The following SCN10A variants were observed in gnomAD, a reference collection of about 807,000 sequenced individuals.
SCN10A encodes sodium voltage-gated channel alpha subunit 10.
Under a neutral mutation model 170.7 loss-of-function variants are expected in SCN10A, and 162 were observed. The ratio of observed to expected loss-of-function variants is 0.95; its 90% CI spans 0.84 to 1.08. SCN10A has a LOEUF of 1.08. Among genes scored for constraint, SCN10A ranks in the 50% least tolerant of loss-of-function variants. The pLI is 0.00. For missense variants in SCN10A, 2,527 were observed against 2,436.9 expected (o/e 1.04, Z -0.78); for synonymous variants, 985 against 904.6 (o/e 1.09, Z -1.59).
intron 1 of SCN10A, among the ~76,000 whole-genome samples, chr3:38,812,418 T>C (rs1483152912): frequency 2.0e-5 from 3 of 152,170 alleles, no homozygotes; most frequent in Non-Finnish European, 4.4e-5. Flanking sequence ...TAACACATCA[T>C]TCTTGGGGAG....
chr3:38,744,319 T>G (rs896850207), intron 13 of SCN10A, among the ~76,000 whole-genome samples: 1 of 151,990 alleles, frequency 6.6e-6, no homozygotes, highest in East Asian at 1.9e-4. Context: ...GTGTTTAGGG[T>G]TTTTTTTACT....
At chr3:38,701,557 C>T (rs935261969) in intron 27 of SCN10A, among the ~76,000 whole-genome samples, 1 of 152,282 alleles carries the variant, frequency 6.6e-6, no homozygotes, top group Non-Finnish European at 1.5e-5. Context: ...GTGATTATTC[C>T]CTGTCAGCCC....
At chr3:38,798,148 G>C (rs997512646) in intron 1 of SCN10A, among the ~76,000 whole-genome samples, 2 of 152,182 alleles carry the variant, frequency 1.3e-5, no homozygotes, top group African/African-American at 4.8e-5. Context: ...TCATAGAAGA[G>C]AGGAAAAGTA....
Position 38,726,809 on chromosome 3 carries a change from T to C in SCN10A, c.2884A>G (p.Ile962Val), listed in dbSNP as rs57326399. 395,627 of 1,611,336 alleles carry C rather than the reference T, an allele frequency of 0.25. 50,977 individuals are homozygous for C. The highest frequency in any genetic ancestry group is 0.42 in the East Asian group (18,908 of 44,736). ...CTCCCCCTGGCAGTGTTGGCAGCAA[T>C]GTGGTTCTCAGCCTTGGAGCTGGAG... ...PLSSSKAENH[I>V]AANTARGSSG... The change falls in exon 17 of 28, where the codon ATT (isoleucine) becomes GTT (valine). Residue 962 changes from isoleucine (I) to valine (V), a missense_variant. By Grantham distance (29) the Ile-to-Val change is conservative. Transcript: ENST00000449082.
At chr3:38,755,090 G>A (rs913798830) in intron 11 of SCN10A, among the ~76,000 whole-genome samples, 1 of 152,104 alleles carries the variant, frequency 6.6e-6, no homozygotes, top group African/African-American at 2.4e-5. Flanking sequence ...AGGGTCTGAG[G>A]TGAGGTGCTG....
Position 38,756,661 on chromosome 3 carries a change from A to G in SCN10A, c.1290+13T>C. 3.7e-6 allele frequency: 6 copies of G among 1,608,664 alleles called. No homozygotes were observed. In the South Asian group the frequency reaches 6.6e-5, roughly 18 times the overall value. On this transcript the variant is annotated intron_variant, in intron 10 of 27. Coordinates refer to ENST00000449082, the MANE Select transcript of SCN10A (RefSeq NM_006514.4). ...CTGCAACCTTCTTCACAAAGCTTCC[A>G]CTCCTCACAAACCTCCTGCTCCTTC... is the stretch of plus-strand genomic sequence containing the variant.
chr3:38,721,077 C>T (rs1251557342), intron 20 of SCN10A, among the ~76,000 whole-genome samples: 1 of 152,184 alleles, frequency 6.6e-6, no homozygotes, highest in Admixed American at 6.5e-5. Flanking sequence ...TGCGTCATTG[C>T]CACCCTAGTT....
At chr3:38,788,216 C>CAAA (rs561959910) in intron 4 of SCN10A, among the ~76,000 whole-genome samples, 1,009 of 97,232 alleles carry the variant, frequency 0.01, 1 homozygote, top group Non-Finnish European at 0.013. Context: ...TTATGATTAG[C>CAAA]AAAAAAAAAA....
At chr3:38,703,573 C>T (rs978771358) in intron 26 of SCN10A, among the ~76,000 whole-genome samples, 9 of 152,204 alleles carry the variant, frequency 5.9e-5, no homozygotes, top group African/African-American at 2.4e-5. Context: ...GATCCAAGGA[C>T]GCTTGTCTGA....
intron 25 of SCN10A, among the ~76,000 whole-genome samples, chr3:38,708,527 G>A (rs1007927120): frequency 6.6e-6 from 1 of 152,186 alleles, no homozygotes; most frequent in Non-Finnish European, 1.5e-5. Context: ...TAAGTGGAAT[G>A]CCTGCCCTAG....
In SCN10A at chr3:38,729,086, T is replaced by C. The variant is rs1425063805; in HGVS notation, c.2281-185A>G. On this transcript the variant is annotated intron_variant, in intron 15 of 27. Transcript: ENST00000449082. ...TGCTATAAATTACTCAAAAATATGATCTGCCTTCTATGGTTCATAAGTATC... is the reference window on the plus strand; with the variant it reads ...TGCTATAAATTACTCAAAAATATGACCTGCCTTCTATGGTTCATAAGTATC... Among the ~76,000 whole-genome samples the C allele has an allele frequency of 2.6e-5, 4 of 152,312 alleles. No homozygotes were observed. In the East Asian group the frequency reaches 7.7e-4, roughly 29 times the overall value.
At chr3:38,709,440 AC>A (rs765389948) in intron 25 of SCN10A, 37 bp downstream of exon 25, 2 of 1,577,440 alleles carry the variant, frequency 1.3e-6, no homozygotes, top group African/African-American at 2.7e-5. Flanking sequence ...AAGGCTTACC[AC>A]TACAGCAGAA....
intron 25 of SCN10A, among the ~76,000 whole-genome samples, chr3:38,708,904 CA>C (rs1420761271): frequency 6.6e-6 from 1 of 152,234 alleles, no homozygotes; most frequent in Non-Finnish European, 1.5e-5. Context: ...CTATCTACCT[CA>C]GGGGTATGGA....
intron 7 of SCN10A, 78 bp from the exon 8 acceptor site, chr3:38,760,825 T>A: frequency 8.6e-7 from 1 of 1,160,346 alleles, no homozygotes; most frequent in Non-Finnish European, 1.3e-6. Flanking sequence ...GAATGCAATA[T>A]TCCCAAGTCT....
chr3:38,718,744 A>G lies in SCN10A; in HGVS notation c.3590T>C (p.Phe1197Ser). The change falls in exon 21 of 28, where the codon TTT becomes TCT. Residue 1197 changes from phenylalanine to serine, a missense_variant. Coordinates refer to ENST00000449082, the MANE Select transcript of SCN10A (RefSeq NM_006514.4). Reference sequence around the variant, plus strand: ...CCACTTAAGCAGCATCTCGAACACAAAGATAAAGGTGAAGACCCTGTCAGT... The same window carrying G: ...CCACTTAAGCAGCATCTCGAACACAGAGATAAAGGTGAAGACCCTGTCAGT... ...EYTDRVFTFI[F>S]VFEMLLKWVA... 6.2e-7 allele frequency: 1 copy of G among 1,614,190 alleles called. No individual in the cohort carries two copies.
At chr3:38,725,151 C>T (rs1199919414) in intron 18 of SCN10A, 23 bp downstream of exon 18, 1 of 1,566,938 alleles carries the variant, frequency 6.4e-7, no homozygotes, top group Non-Finnish European at 8.7e-7. Flanking sequence ...TGTCCAACCT[C>T]TCCAGGAAGC....
intron 12 of SCN10A, among the ~76,000 whole-genome samples, 174 bp downstream of exon 12, chr3:38,752,045 T>C (rs2063752388): frequency 6.6e-6 from 1 of 151,104 alleles, no homozygotes; most frequent in Non-Finnish European, 1.5e-5. Flanking sequence ...GCCAACTCAA[T>C]CTCTCTCTCT....
intron 4 of SCN10A, among the ~76,000 whole-genome samples, chr3:38,787,631 C>T (rs1364785093): frequency 6.6e-6 from 1 of 151,872 alleles, no homozygotes; most frequent in African/African-American, 2.4e-5. Context: ...ACGCTTGATA[C>T]TTTAAAACAA....
chr3:38,729,875 G>T (rs760887512), intron 15 of SCN10A, among the ~76,000 whole-genome samples: 1 of 152,110 alleles, frequency 6.6e-6, no homozygotes, highest in Non-Finnish European at 1.5e-5. Context: ...TAAATCCCAC[G>T]GGAGGAGGTT....
Sources: allele counts gnomAD v4.1 joint callset (sites outside exome capture counted in the v4.1 genomes callset), GRCh38; gene constraint gnomAD v4.1.1; transcripts MANE v1.5; gene names NCBI Gene and HGNC (gene_info 2026-07-23, HGNC 2026-07-21).